Variants in CDH13 observed in about 807,000 individuals in gnomAD.
The protein encoded by CDH13 is cadherin-13.
A neutral mutation model predicts 63.8 loss-of-function variants in CDH13; 24 were observed. The ratio of observed to expected loss-of-function variants is 0.38; its 90% CI spans 0.27 to 0.53. The LOEUF is 0.53. Among genes scored for constraint, CDH13 ranks in the 20% least tolerant of loss-of-function variants. The pLI is 0.85. For synonymous variants in CDH13, 503 were observed against 355.3 expected (o/e 1.42, Z -4.67); for missense variants, 1,049 against 903.1 (o/e 1.16, Z -2.07).
At chr16:83,128,555 T>G (rs963240619) in intron 4 of CDH13, among the ~76,000 whole-genome samples, 1 of 152,246 alleles carries the variant, frequency 6.6e-6, no homozygotes, top group Admixed American at 6.5e-5. Flanking sequence ...CACATTTCAG[T>G]TGCCTGGAAA....
At chr16:83,537,756 C>T (rs544245782) in intron 7 of CDH13, among the ~76,000 whole-genome samples, 1 of 152,186 alleles carries the variant, frequency 6.6e-6, no homozygotes, top group Admixed American at 6.5e-5. Flanking sequence ...GAGAATATCA[C>T]ATTTTAGCCC....
At chr16:82,650,524 C>G (rs1286246778) in intron 1 of CDH13, among the ~76,000 whole-genome samples, 1 of 152,212 alleles carries the variant, frequency 6.6e-6, no homozygotes, top group African/African-American at 2.4e-5. Context: ...ACCACTTAGG[C>G]TTTCTGAGTG....
chr16:83,618,123 T>G (rs890763238), intron 8 of CDH13, among the ~76,000 whole-genome samples: 3 of 150,674 alleles, frequency 2.0e-5, no homozygotes, highest in African/African-American at 7.5e-5. Context: ...CTCTGAGTCA[T>G]GTTGTTGCAA....
intron 3 of CDH13, among the ~76,000 whole-genome samples, chr16:83,053,820 C>T (rs530365519): frequency 1.3e-5 from 2 of 152,194 alleles, no homozygotes; most frequent in Admixed American, 1.3e-4. Context: ...CAGCAGCCCC[C>T]CTTATCTATG....
intron 3 of CDH13, among the ~76,000 whole-genome samples, chr16:83,055,468 G>A (rs2030827389): frequency 2.6e-5 from 4 of 151,372 alleles, no homozygotes; most frequent in Admixed American, 2.6e-4. Flanking sequence ...AAAGAAGAAG[G>A]CATTGTTAAT....
intron 7 of CDH13, among the ~76,000 whole-genome samples, chr16:83,521,363 A>G (rs1364090991): frequency 2.6e-5 from 4 of 152,112 alleles, no homozygotes; most frequent in Non-Finnish European, 4.4e-5. Flanking sequence ...AAAAGAATGG[A>G]AAAACCAATA....
intron 3 of CDH13, among the ~76,000 whole-genome samples, chr16:83,121,754 T>C (rs1200253867): frequency 1.3e-5 from 2 of 152,194 alleles, no homozygotes; most frequent in Admixed American, 6.5e-5. Flanking sequence ...TTTGGATGGG[T>C]TCCTAGCAGT....
At chr16:83,577,256 C>G (rs1284946570) in intron 7 of CDH13, among the ~76,000 whole-genome samples, 1 of 152,160 alleles carries the variant, frequency 6.6e-6, no homozygotes, top group Non-Finnish European at 1.5e-5. Flanking sequence ...TGTCCACTGA[C>G]CAAGTCCCCT....
rs1426194327 is a variant in CDH13 at position 83,783,582 on chromosome 16, A to G, written c.2134+110A>G. The G allele has an allele frequency of 4.6e-6, 4 of 861,164 alleles. No individual in the cohort carries two copies. In the African/African-American group the frequency reaches 6.6e-5, roughly 14 times the overall value. 53.3% of individuals were successfully genotyped at this position (861,164 alleles called of 1,614,324 possible). On this transcript the variant is annotated intron_variant, in intron 13 of 13. Coordinates refer to ENST00000567109, the MANE Select transcript of CDH13 (RefSeq NM_001257.5). ...TTTCCAAGAAGATGTTTCCCAGAAG[A>G]ATCATTCATCTTTAGTGTATGTCTG... is the stretch of plus-strand genomic sequence containing the variant.
intron 10 of CDH13, among the ~76,000 whole-genome samples, chr16:83,718,054 A>G (rs1452711219): frequency 6.6e-6 from 1 of 152,238 alleles, no homozygotes; most frequent in East Asian, 1.9e-4. Flanking sequence ...GGACAGTCTT[A>G]CTTTGGATTG....
intron 6 of CDH13, among the ~76,000 whole-genome samples, chr16:83,468,568 A>G (rs1169980834): frequency 6.6e-6 from 1 of 152,144 alleles, no homozygotes; most frequent in African/African-American, 2.4e-5. Context: ...TTAGCAGAAC[A>G]CAGAACTGAG....
intron 4 of CDH13, among the ~76,000 whole-genome samples, chr16:83,197,911 A>G (rs373303930): frequency 6.5e-4 from 99 of 152,334 alleles, no homozygotes; most frequent in African/African-American, 2.3e-3. Flanking sequence ...TTTAATTGTG[A>G]CATTGTACCA....
chr16:82,828,662 GTGTA>G (rs377494402), intron 1 of CDH13, among the ~76,000 whole-genome samples: 8,698 of 141,694 alleles, frequency 0.061, 324 homozygotes, highest in East Asian at 0.14. Context: ...GTGTGTGTGT[GTGTA>G]TATATATATA....
At chr16:83,230,643 T>G (rs2039974806) in intron 5 of CDH13, among the ~76,000 whole-genome samples, 1 of 152,070 alleles carries the variant, frequency 6.6e-6, no homozygotes, top group South Asian at 2.1e-4. Flanking sequence ...AAAAATTAGC[T>G]GGGCGTGGTG....
At position 83,277,464 on chromosome 16, in the gene CDH13, A is replaced by G. The variant is rs2089028627; in HGVS notation, c.636+59967A>G. ...TTCCTAGGTACAATTCAGTTTGGGA[A>G]TCCTACAAAGGCTTTAAAAGGGCAA... On this transcript the variant is annotated intron_variant, in intron 5 of 13. Transcript: ENST00000567109. Among the ~76,000 whole-genome samples, 5 of 152,214 alleles carry G rather than the reference A, an allele frequency of 3.3e-5. No homozygotes were observed. The South Asian group carries it at 8.3e-4, about 25-fold the overall frequency.
chr16:82,738,010 G>T (rs1302205010), intron 1 of CDH13, among the ~76,000 whole-genome samples: 1 of 152,120 alleles, frequency 6.6e-6, no homozygotes, highest in Non-Finnish European at 1.5e-5. Context: ...TTAATAAAAT[G>T]TTTAAGTGCA....
At chr16:83,613,495 C>T (rs973754702) in intron 8 of CDH13, among the ~76,000 whole-genome samples, 3 of 152,100 alleles carry the variant, frequency 2.0e-5, no homozygotes, top group African/African-American at 7.2e-5. Context: ...TTTAAGCTCA[C>T]CAATCCTCTC....
intron 1 of CDH13, among the ~76,000 whole-genome samples, chr16:82,840,263 G>A (rs1457205844): frequency 2.6e-5 from 4 of 151,950 alleles, no homozygotes; most frequent in African/African-American, 9.7e-5. Context: ...CTGTGGTGAA[G>A]CTGAGGAGGG....
In CDH13 at chr16:83,413,578, A is replaced by G. The variant is rs2092158098; in HGVS notation, c.781+68572A>G. 2.0e-5 allele frequency among the ~76,000 whole-genome samples: 3 copies of G among 152,210 alleles called. No homozygotes were observed. The South Asian group carries it at 6.2e-4, about 32-fold the overall frequency. ...CTTGGGGAAAGTTACAGTCAAGATT[A>G]TTAAAATATATGAAACTTAAAGAGA... On this transcript the variant is annotated intron_variant, in intron 6 of 13. Transcript: ENST00000567109.
Sources: gnomAD v4.1 joint callset for allele counts (sites outside exome capture counted in the v4.1 genomes callset) on GRCh38, gnomAD v4.1.1 for gene constraint, MANE v1.5 for transcripts, NCBI Gene and HGNC (gene_info 2026-07-23, HGNC 2026-07-21) for gene names.